OR6C2: variants seen among roughly 807,000 people sequenced by gnomAD.
The protein encoded by OR6C2 is olfactory receptor family 6 subfamily C member 2, also known as olfactory receptor 6C2.
For missense variants in OR6C2, 435 were observed against 365.8 expected (o/e 1.19, Z -1.54); for synonymous variants, 146 against 134.2 (o/e 1.09, Z -0.61).
chr12:55,453,127 G>A lies in OR6C2; in HGVS notation c.914G>A (p.Arg305Lys). Residue 305 changes from arginine (R) to lysine (K), a missense_variant, in exon 2 of 2, where the codon AGG becomes AAG. Physicochemically the swap from Arg to Lys is conservative, Grantham distance 26 (BLOSUM62 2). Coordinates refer to ENST00000641202, the MANE Select transcript of OR6C2 (RefSeq NM_054105.2). ...VKQAFSDSIK[R>K]IAFLSKK Reference sequence around the variant, plus strand: ...CAAGCTTTCAGTGACTCTATAAAGAGGATTGCATTTCTCTCAAAGAAGTAG... The same window carrying A: ...CAAGCTTTCAGTGACTCTATAAAGAAGATTGCATTTCTCTCAAAGAAGTAG... The A allele has an allele frequency of 6.2e-7, 1 of 1,612,016 alleles. No homozygotes were observed. Among genetic ancestry groups the A allele is most frequent in the Admixed American group, 1.7e-5 (1 of 59,686 alleles).
intron 1 of OR6C2, among the ~76,000 whole-genome samples, chr12:55,447,914 A>G (rs1871393070): frequency 6.6e-6 from 1 of 152,078 alleles, no homozygotes; most frequent in South Asian, 2.1e-4. Flanking sequence ...AAAGTTTCAT[A>G]CTATTTTCTA....
intron 1 of OR6C2, among the ~76,000 whole-genome samples, chr12:55,450,899 C>T (rs1871455479): frequency 6.6e-6 from 1 of 151,934 alleles, no homozygotes. Flanking sequence ...CCTAAATGTG[C>T]CCTTAGCTTC....
intron 1 of OR6C2, among the ~76,000 whole-genome samples, chr12:55,448,213 T>A (rs1297871092): frequency 1.3e-5 from 2 of 151,864 alleles, no homozygotes; most frequent in Non-Finnish European, 2.9e-5. Flanking sequence ...GCTATTGAAT[T>A]GTAGGAATTT....
At chr12:55,446,757 A>T (rs1438546393) in intron 1 of OR6C2, among the ~76,000 whole-genome samples, 1 of 152,162 alleles carries the variant, frequency 6.6e-6, no homozygotes, top group Non-Finnish European at 1.5e-5. Flanking sequence ...TCTGAAAAAG[A>T]GGAAGATATA....
chr12:55,452,196 AG>A lies in OR6C2; in HGVS notation c.-17del, dbSNP rs2120687372. The A allele has an allele frequency of 6.8e-7, 1 of 1,466,460 alleles. No homozygotes were observed. Among genetic ancestry groups the A allele is most frequent in the East Asian group, 2.3e-5 (1 of 43,878 alleles). The allele number at this position is 1,466,460 out of a possible 1,614,324, so 90.8% of individuals were successfully genotyped here. On this transcript the variant is annotated 5_prime_UTR_variant, in exon 2 of 2. Transcript: ENST00000641202. ...CGTGATTTTTAAAGGAGGATTGGGT[AG>A]ATATCAAAGAACAGTGATGAAAAAC...
At chr12:55,448,688 A>G (rs940773120) in intron 1 of OR6C2, among the ~76,000 whole-genome samples, 3 of 150,606 alleles carry the variant, frequency 2.0e-5, no homozygotes, top group East Asian at 3.9e-4. Context: ...AAAGAAATAT[A>G]CTGCTATTGT....
Position 55,449,590 on chromosome 12 carries a change from G to T in OR6C2, c.-887-1737G>T, listed in dbSNP as rs553970798. Among the ~76,000 whole-genome samples, 11 of 151,764 alleles carry T rather than the reference G, an allele frequency of 7.2e-5. No homozygotes were observed. The East Asian group carries it at 2.1e-3, about 29-fold the overall frequency. The stretch of plus-strand genomic sequence containing the variant: ...TGATTTTTCCATAAGAGAATCCGAA[G>T]TCTCTCTTAGAAAAGAAATGAATCT... On this transcript the variant is annotated intron_variant, in intron 1 of 1. Transcript: ENST00000641202.
Position 55,452,545 on chromosome 12 carries a change from T to G in OR6C2, c.332T>G (p.Phe111Cys). Reference protein sequence around the residue: ...FVILFGATEFFLLAAMSYDRY... With the variant: ...FVILFGATEFCLLAAMSYDRY... ...ATTCTCTTTGGAGCAACAGAATTTT[T>G]TCTCTTGGCAGCCATGTCCTATGAC... is the stretch of plus-strand genomic sequence containing the variant. Residue 111 changes from phenylalanine (F) to cysteine (C), a missense_variant, in exon 2 of 2, where the codon TTT becomes TGT. By Grantham distance (205) the Phe-to-Cys change is radical (BLOSUM62 -2). Transcript: ENST00000641202. 6.2e-7 allele frequency: 1 copy of G among 1,613,918 alleles called. No homozygotes were observed. Among genetic ancestry groups the G allele is most frequent in the Non-Finnish European group, 8.5e-7 (1 of 1,179,850 alleles).
At chr12:55,444,822 T>A (rs905762725) in intron 1 of OR6C2, among the ~76,000 whole-genome samples, 22 of 152,158 alleles carry the variant, frequency 1.4e-4, no homozygotes, top group Non-Finnish European at 2.9e-4. Context: ...AGAAAATTAG[T>A]TCTTAAACCA....
At chr12:55,450,158 A>T (rs1444076960) in intron 1 of OR6C2, among the ~76,000 whole-genome samples, 1 of 152,134 alleles carries the variant, frequency 6.6e-6, no homozygotes, top group Non-Finnish European at 1.5e-5. Context: ...ATACGGGAGA[A>T]ATACAAGTAT....
Position 55,453,182 on chromosome 12 carries a change from G to A in OR6C2, c.*30G>A. 1 of 1,505,510 alleles carries A rather than the reference G, an allele frequency of 6.6e-7. No homozygotes were observed. Among genetic ancestry groups the A allele is most frequent in the South Asian group, 1.2e-5 (1 of 85,248 alleles). 93.3% of individuals were successfully genotyped at this position (1,505,510 alleles called of 1,614,324 possible). A position where few individuals can be genotyped will look rare whatever the true frequency, so the allele number is the denominator to read the frequency against. ...TGTGATGAATTGGCATAAAGTGAAT[G>A]AAGAAGGCTCCCTAAATGTCATCCT... is the stretch of plus-strand genomic sequence containing the variant. On this transcript the variant is annotated 3_prime_UTR_variant, in exon 2 of 2. Coordinates refer to ENST00000641202, the MANE Select transcript of OR6C2 (RefSeq NM_054105.2).
At chr12:55,450,544 C>T (rs1871448415) in intron 1 of OR6C2, among the ~76,000 whole-genome samples, 2 of 152,114 alleles carry the variant, frequency 1.3e-5, no homozygotes, top group Admixed American at 6.6e-5. Flanking sequence ...AGGAGCATGA[C>T]TTGACTTAGA....
intron 1 of OR6C2, among the ~76,000 whole-genome samples, chr12:55,450,765 C>A (rs1871453228): frequency 6.6e-6 from 1 of 151,738 alleles, no homozygotes; most frequent in African/African-American, 2.4e-5. Context: ...AAAGAGGAGA[C>A]TAAAAAGAGA....
In OR6C2 at chr12:55,452,347, C is replaced by A. The variant is rs139837928; in HGVS notation, c.134C>A (p.Thr45Asn). 6 of 1,613,606 alleles carry A rather than the reference C, an allele frequency of 3.7e-6. No homozygotes were observed. In the East Asian group the frequency reaches 1.3e-4, roughly 36 times the overall value. Residue 45 changes from threonine to asparagine, a missense_variant, in exon 2 of 2, where the codon ACC (threonine) becomes AAC (asparagine). Coordinates refer to ENST00000641202, the MANE Select transcript of OR6C2 (RefSeq NM_054105.2). ...LSVTGNLTII[T>N]LTLVDHHLKT... ...GTAACAGGGAACCTGACTATTATCA[C>A]CCTCACATTGGTGGACCACCACCTT...
intron 1 of OR6C2, among the ~76,000 whole-genome samples, chr12:55,448,433 C>A (rs560268306): frequency 7.3e-5 from 11 of 149,708 alleles, no homozygotes; most frequent in Non-Finnish European, 1.6e-4. Context: ...AAACTGTTAG[C>A]TGAGTAGTCA....
chr12:55,449,935 T>A (rs1002080040), intron 1 of OR6C2, among the ~76,000 whole-genome samples: 5 of 151,822 alleles, frequency 3.3e-5, no homozygotes, highest in African/African-American at 1.2e-4. Context: ...TGTCTAAGAA[T>A]GTACTAAAAA....
chr12:55,452,729 TG>T lies in OR6C2; in HGVS notation c.517del (p.Asp173IlefsTer11), dbSNP rs1423931996. 6.8e-6 allele frequency: 11 copies of T among 1,613,734 alleles called. No homozygotes were observed. Among genetic ancestry groups the T allele is most frequent in the Admixed American group, 1.7e-5 (1 of 59,942 alleles). On this transcript the variant is annotated frameshift_variant, in exon 2 of 2. Coordinates refer to ENST00000641202, the MANE Select transcript of OR6C2 (RefSeq NM_054105.2). LOFTEE classifies it low-confidence loss of function (END_TRUNC). ...TCGAATTCTGTGACTCCAATGCCAT[TG>T]ATCATTTTAGCTGTGATGCAGGTCC... ...QLEFCDSNAI[D>X]HFSCDAGPLL...
intron 1 of OR6C2, among the ~76,000 whole-genome samples, chr12:55,446,080 A>G (rs1350393127): frequency 6.6e-6 from 1 of 152,188 alleles, no homozygotes; most frequent in African/African-American, 2.4e-5. Flanking sequence ...GAATAAAGTA[A>G]AGCATTGGAT....
intron 1 of OR6C2, among the ~76,000 whole-genome samples, chr12:55,449,301 A>G (rs1246700872): frequency 6.6e-6 from 1 of 151,950 alleles, no homozygotes; most frequent in Non-Finnish European, 1.5e-5. Flanking sequence ...TTTCAAAAAA[A>G]CTTTTAAAAC....
Sources: allele counts gnomAD v4.1 joint callset (sites outside exome capture counted in the v4.1 genomes callset), GRCh38; gene constraint gnomAD v4.1.1; transcripts MANE v1.5; gene names NCBI Gene and HGNC (gene_info 2026-07-23, HGNC 2026-07-21).